The following SLC27A5 variants were observed in gnomAD, a reference collection of about 807,000 sequenced individuals.
SLC27A5 encodes the protein solute carrier family 27 member 5.
SLC27A5 carries 47 observed loss-of-function variants against 63.1 expected under a neutral mutation model. That is an observed-to-expected ratio of 0.74 (90% CI 0.59 to 0.95). The LOEUF is 0.95. Among genes scored for constraint, SLC27A5 ranks in the 40% least tolerant of loss-of-function variants. The probability of loss-of-function intolerance (pLI) is 0.00; values close to 1 mark genes in which losing one functional copy is unlikely to be tolerated. For synonymous variants in SLC27A5, 391 were observed against 403.8 expected (o/e 0.97, Z 0.38); for missense variants, 940 against 921.0 (o/e 1.02, Z -0.27).
intron 6 of SLC27A5, 96 bp downstream of exon 6, chr19:58,500,243 C>T: frequency 9.8e-7 from 1 of 1,025,334 alleles, no homozygotes; most frequent in Non-Finnish European, 1.5e-6. Flanking sequence ...CTCTAGTGAG[C>T]ACCAACGTCA....
intron 3 of SLC27A5, among the ~76,000 whole-genome samples, chr19:58,503,150 A>G (rs781433375): frequency 6.6e-5 from 10 of 150,534 alleles, no homozygotes; most frequent in Non-Finnish European, 1.2e-4. Context: ...GCTTGCAGTG[A>G]GCCGAGATAG....
Position 58,511,416 on chromosome 19 carries a change from C to T in SLC27A5, c.540G>A (p.Leu180=), listed in dbSNP as rs1273744260. The T allele has an allele frequency of 6.2e-7, 1 of 1,607,262 alleles. No individual in the cohort carries two copies. Among genetic ancestry groups the T allele is most frequent in the Non-Finnish European group, 8.5e-7 (1 of 1,177,116 alleles). The part of the protein sequence containing the change: ...CAGEPTALLV[L]ASQAVPALCM... ...ACAGGGCTGGAACGGCCTGGGAAGC[C>T]AGCACAAGGAGGGCAGTAGGCTCCC... The change falls in exon 1 of 10, where the codon CTG becomes CTA. Residue 180 remains leucine (L), a synonymous_variant. Transcript: ENST00000263093.
At position 58,499,672 on chromosome 19, in the gene SLC27A5, A is replaced by T. The variant is rs778025129; in HGVS notation, c.1487T>A (p.Leu496Gln). ...PVGLGEPGLL[L>Q]TKVVSQQPFV... ...GGGTTGCTGGCTTACCACCTTGGTC[A>T]GCAGCAGCCCCGGCTCCCCTGGGGT... Residue 496 changes from leucine to glutamine, a missense_variant, in exon 7 of 10, where the codon CTG becomes CAG. Coordinates refer to ENST00000263093, the MANE Select transcript of SLC27A5 (RefSeq NM_012254.3). 1.2e-6 allele frequency: 2 copies of T among 1,611,972 alleles called. No individual in the cohort carries two copies. Among genetic ancestry groups the T allele is most frequent in the African/African-American group, 2.7e-5 (2 of 75,012 alleles).
rs34890544 is a variant in SLC27A5, at chr19:58,505,848, C to CAA, written c.1057+3997_1057+3998dup. Among the ~76,000 whole-genome samples, 227 of 83,532 alleles carry CAA rather than the reference C, an allele frequency of 2.7e-3. 1 individual carries two copies. The highest frequency in any genetic ancestry group is 3.4e-3 in the Non-Finnish European group (145 of 42,964). The allele number at this position is 83,532 out of a possible 152,430, so 54.8% of individuals were successfully genotyped here. On this transcript the variant is annotated intron_variant, in intron 3 of 9. Transcript: ENST00000263093. ...GGGCAACAATAGTGAAACCCCGACT[C>CAA]AAAAAAAAAAAAAAAAACATTTGGC...
intron 3 of SLC27A5, chr19:58,508,281 G>A (rs151265692): frequency 0.024 from 3,721 of 152,288 alleles, 53 homozygotes; most frequent in African/African-American, 0.03. Flanking sequence ...CATCGAGGCC[G>A]GGCACAGTGG....
At chr19:58,499,807 G>A in intron 6 of SLC27A5, 117 bp from the exon 7 acceptor site, 1 of 908,522 alleles carries the variant, frequency 1.1e-6, no homozygotes, top group Non-Finnish European at 1.7e-6. Flanking sequence ...CAGACCCAAA[G>A]ACACAGACAG....
At chr19:58,503,564 G>A (rs932305745) in intron 3 of SLC27A5, among the ~76,000 whole-genome samples, 7 of 152,082 alleles carry the variant, frequency 4.6e-5, no homozygotes, top group Non-Finnish European at 1.0e-4. Context: ...TCGGGAGGCT[G>A]AGGTGGAAGA....
Position 58,498,588 on chromosome 19 carries a change from T to C in SLC27A5, c.2000A>G (p.Asn667Ser). The C allele has an allele frequency of 1.9e-6, 3 of 1,613,940 alleles. No individual in the cohort carries two copies. The highest frequency in any genetic ancestry group is 2.5e-6 in the Non-Finnish European group (3 of 1,180,008). Residue 667 changes from asparagine (N) to serine (S), a missense_variant, in exon 10 of 10, where the codon AAC becomes AGC. Physicochemically the swap from Asn to Ser is conservative, Grantham distance 46 (BLOSUM62 1). Transcript: ENST00000263093. ...CAGGGGCCGGAAGGACTGGGCCCGG[T>C]TGTCCAGTACAAACAGAGGGTCAAC... Reference protein sequence around the residue: ...IVVDPLFVLDNRAQSFRPLTA... With the variant: ...IVVDPLFVLDSRAQSFRPLTA...
chr19:58,505,826 C>A (rs1376654388), intron 3 of SLC27A5, among the ~76,000 whole-genome samples: 1 of 123,150 alleles, frequency 8.1e-6, no homozygotes, highest in Admixed American at 9.6e-5. Flanking sequence ...CCATCCTGGG[C>A]AACAATAGTG....
intron 7 of SLC27A5, 92 bp downstream of exon 7, chr19:58,499,400 G>A: frequency 6.9e-7 from 1 of 1,445,680 alleles, no homozygotes; most frequent in Admixed American, 2.0e-5. Context: ...CTTACGACAG[G>A]AAAGTCCCGC....
chr19:58,498,653 CTT>C lies in SLC27A5; in HGVS notation c.1933_1934del (p.Lys645AspfsTer6). The C allele has an allele frequency of 6.2e-7, 1 of 1,614,126 alleles. No homozygotes were observed. The highest frequency in any genetic ancestry group is 8.5e-7 in the Non-Finnish European group (1 of 1,180,006). ...TGAAGCCCTCACGCACCAACCGGGT[CTT>C]CATCAGTTTGAACGTGCTGGTGACC... is the stretch of plus-strand genomic sequence containing the variant. Reference protein sequence around the residue: ...MEVTSTFKLMKTRLVREGFNV... With the variant: ...MEVTSTFKLMXTRLVREGFNV... On this transcript the variant is annotated frameshift_variant, in exon 10 of 10. Coordinates refer to ENST00000263093, the MANE Select transcript of SLC27A5 (RefSeq NM_012254.3). LOFTEE classifies it low-confidence loss of function (END_TRUNC).
At chr19:58,503,073 C>T (rs533344756) in intron 3 of SLC27A5, among the ~76,000 whole-genome samples, 13 of 152,050 alleles carry the variant, frequency 8.5e-5, no homozygotes, top group African/African-American at 1.2e-4. Flanking sequence ...GGCGTGGTAG[C>T]GGGCGCCTGT....
chr19:58,502,530 A>G (rs60103481), intron 3 of SLC27A5, among the ~76,000 whole-genome samples: 42 of 13,506 alleles, frequency 3.1e-3, no homozygotes, highest in Middle Eastern at 0.056. Flanking sequence ...TGGATGGGTG[A>G]ACAGTTAGAG....
chr19:58,504,046 C>T (rs1463651531), intron 3 of SLC27A5, among the ~76,000 whole-genome samples: 3 of 151,906 alleles, frequency 2.0e-5, no homozygotes, highest in Middle Eastern at 3.2e-3. Flanking sequence ...ACCCAGGAGG[C>T]AGAGGTTGTA....
chr19:58,500,678 C>T lies in SLC27A5; in HGVS notation c.1211G>A (p.Arg404His), dbSNP rs752823931. 24 of 1,613,932 alleles carry T rather than the reference C, an allele frequency of 1.5e-5. No individual in the cohort carries two copies. The highest frequency in any genetic ancestry group is 4.0e-5 in the African/African-American group (3 of 74,894). ...CCGTAGTCCATTGCCCATTGCCAGG[C>T]GGACTGTATGTGTCCGGTCCTCTGG... ...QQPEDRTHTV[R>H]LAMGNGLRAD... Residue 404 changes from arginine (R) to histidine (H), a missense_variant, in exon 5 of 10, where the codon CGC (arginine) becomes CAC (histidine). Physicochemically the swap from Arg to His is conservative, Grantham distance 29 (BLOSUM62 0). Coordinates refer to ENST00000263093, the MANE Select transcript of SLC27A5 (RefSeq NM_012254.3).
rs776902459 is a variant in SLC27A5 at position 58,498,650 on chromosome 19, G to T, written c.1938C>A (p.Thr646=). The T allele has an allele frequency of 3.7e-6, 6 of 1,614,100 alleles. No individual in the cohort carries two copies. The South Asian group carries it at 6.6e-5, about 18-fold the overall frequency. The part of the protein sequence containing the change: ...EVTSTFKLMK[T]RLVREGFNVG... Reference sequence around the variant, plus strand: ...CATTGAAGCCCTCACGCACCAACCGGGTCTTCATCAGTTTGAACGTGCTGG... The same window carrying T: ...CATTGAAGCCCTCACGCACCAACCGTGTCTTCATCAGTTTGAACGTGCTGG... Residue 646 remains threonine, a synonymous_variant, in exon 10 of 10, where the codon ACC becomes ACA. Transcript: ENST00000263093.
Position 58,500,550 on chromosome 19 carries a change from G to T in SLC27A5, c.1339C>A (p.Arg447Ser), listed in dbSNP as rs558863851. 6.2e-7 allele frequency: 1 copy of T among 1,613,912 alleles called. No homozygotes were observed. The highest frequency in any genetic ancestry group is 1.3e-5 in the African/African-American group (1 of 74,890). Residue 447 changes from arginine to serine, a missense_variant, in exon 5 of 10, where the codon CGC (arginine) becomes AGC (serine). Arg to Ser is a moderately radical substitution (Grantham distance 110). Coordinates refer to ENST00000263093, the MANE Select transcript of SLC27A5 (RefSeq NM_012254.3). ...GNMGLVNYVG[R>S]CGALGKMSCL... The stretch of plus-strand genomic sequence containing the variant: ...CTCATCTTGCCCAGGGCCCCGCAGC[G>T]CCCCACATAGTTGACTAAGCCCATG...
At chr19:58,501,642 A>G (rs901251825) in intron 3 of SLC27A5, among the ~76,000 whole-genome samples, 1 of 152,144 alleles carries the variant, frequency 6.6e-6, no homozygotes, top group Non-Finnish European at 1.5e-5. Context: ...TTATAAAGTG[A>G]GCAATGCTAA....
chr19:58,510,023 G>C lies in SLC27A5; in HGVS notation c.899-18C>G. On this transcript the variant is annotated intron_variant, in intron 2 of 9. Transcript: ENST00000263093. Reference sequence around the variant, plus strand: ...CGGGAGGCCTTGGGATGAAGGCATGGCAAGGGCAGGGTGGTGACATGACAG... The same window carrying C: ...CGGGAGGCCTTGGGATGAAGGCATGCCAAGGGCAGGGTGGTGACATGACAG... The C allele has an allele frequency of 6.2e-7, 1 of 1,609,796 alleles. No individual in the cohort carries two copies. The highest frequency in any genetic ancestry group is 8.5e-7 in the Non-Finnish European group (1 of 1,177,894).
Sources: gnomAD v4.1 joint callset for allele counts (sites outside exome capture counted in the v4.1 genomes callset) on GRCh38, gnomAD v4.1.1 for gene constraint, MANE v1.5 for transcripts, NCBI Gene and HGNC (gene_info 2026-07-23, HGNC 2026-07-21) for gene names.